The following TFB1M variants were observed in gnomAD, a reference collection of about 807,000 sequenced individuals.
TFB1M encodes the protein dimethyladenosine transferase 1, mitochondrial.
In TFB1M, 27 loss-of-function variants were observed where a neutral mutation model predicts 31.1. The ratio of observed to expected loss-of-function variants is 0.87; its 90% CI spans 0.64 to 1.20. TFB1M has a LOEUF of 1.20. Among genes scored for constraint, TFB1M ranks in the 50% most tolerant of loss-of-function variants. TFB1M has a pLI of 0.00. For synonymous variants in TFB1M, 166 were observed against 151.8 expected, an observed-to-expected ratio of 1.09 and a Z score of -0.69; for missense variants, 394 against 418.7, an observed-to-expected ratio of 0.94 and a Z score of 0.51.
intron 4 of TFB1M, among the ~76,000 whole-genome samples, chr6:155,289,591 G>A (rs1776810973): frequency 6.6e-6 from 1 of 152,154 alleles, no homozygotes; most frequent in Non-Finnish European, 1.5e-5. Context: ...GGAATAAGAC[G>A]ACGGTGCTCA....
chr6:155,266,505 G>A (rs1784637477), intron 5 of TFB1M, among the ~76,000 whole-genome samples: 1 of 152,250 alleles, frequency 6.6e-6, no homozygotes, highest in South Asian at 2.1e-4. Context: ...TCACCAGGGG[G>A]GATGAAAAGC....
At chr6:155,232,435 G>A in the TFB1M span, 2,088 of 152,290 alleles carry the variant, frequency 0.014, 17 homozygotes, top group Non-Finnish European at 0.021. Flanking sequence ...GTATGAGAAC[G>A]CAAACCATAT....
At chr6:155,238,120 C>T in the TFB1M span, among the ~76,000 whole-genome samples, 4 of 152,222 alleles carry the variant, frequency 2.6e-5, no homozygotes, top group South Asian at 4.1e-4. Flanking sequence ...GAAATTTCTT[C>T]TCCCAGATAC....
intron 2 of TFB1M, 142 bp downstream of exon 2, chr6:155,311,046 A>C (rs1582889333): frequency 1.1e-5 from 10 of 904,046 alleles, no homozygotes; most frequent in African/African-American, 1.7e-5. Context: ...CTATGGAATC[A>C]AAATCTCTGG....
At chr6:155,301,808 A>T (rs956724458) in intron 2 of TFB1M, among the ~76,000 whole-genome samples, 1 of 152,224 alleles carries the variant, frequency 6.6e-6, no homozygotes. Context: ...CAATCATGAC[A>T]GCTAGCTCTC....
At chr6:155,232,231 A>C in the TFB1M span, among the ~76,000 whole-genome samples, 1 of 151,856 alleles carries the variant, frequency 6.6e-6, no homozygotes, top group Non-Finnish European at 1.5e-5. Flanking sequence ...CGAAGTTCAG[A>C]GTGAGTTGAG....
In TFB1M at chr6:155,256,923, A is replaced by T. The variant is rs1480658649; in HGVS notation, c.*913T>A. The stretch of plus-strand genomic sequence containing the variant: ...TCCGGGGGCACTTCTGCCCCATTAA[A>T]CGAAAAGCCAACAGCACCAAGAGGG... On this transcript the variant is annotated 3_prime_UTR_variant, in exon 7 of 7. Coordinates refer to ENST00000367166, the MANE Select transcript of TFB1M (RefSeq NM_016020.4). 1.2e-6 allele frequency: 2 copies of T among 1,614,176 alleles called. No individual in the cohort carries two copies. Among genetic ancestry groups the T allele is most frequent in the East Asian group, 4.5e-5 (2 of 44,882 alleles).
chr6:155,252,879 C>T, downstream of TFB1M: 1 of 1,395,576 alleles, frequency 7.2e-7, no homozygotes, highest in South Asian at 1.2e-5. Flanking sequence ...AACTTCTATT[C>T]ACTGTGCACA....
Position 155,311,274 on chromosome 6 carries a change from C to T in TFB1M, c.199G>A (p.Gly67Arg), listed in dbSNP as rs1778006055. The change falls in exon 2 of 7, where the codon GGG (glycine) becomes AGG (arginine). Residue 67 changes from glycine to arginine, a missense_variant. By Grantham distance (125) the Gly-to-Arg change is moderately radical (BLOSUM62 -2). Transcript: ENST00000367166. ...TTAAGAATAGATCTTGTGATTCCCC[C>T]TGGCCCAGGGCCCACTTCGTAAACA... ...AYVYEVGPGPGGITRSILNAD... is the reference protein window; with the variant it reads ...AYVYEVGPGPRGITRSILNAD... 6.2e-7 allele frequency: 1 copy of T among 1,613,896 alleles called. No homozygotes were observed. Among genetic ancestry groups the T allele is most frequent in the African/African-American group, 1.3e-5 (1 of 74,920 alleles).
chr6:155,234,735 G>A, the TFB1M span, among the ~76,000 whole-genome samples: 1 of 152,216 alleles, frequency 6.6e-6, no homozygotes, highest in African/African-American at 2.4e-5. Context: ...GCATTCCTGG[G>A]GTGGGGGTGG....
At position 155,287,694 on chromosome 6, in the gene TFB1M, C is replaced by T. The variant is rs373656154; in HGVS notation, c.547-2417G>A. 8.6e-5 allele frequency among the ~76,000 whole-genome samples: 13 copies of T among 151,484 alleles called. No individual in the cohort carries two copies. In the South Asian group the frequency reaches 2.7e-3, roughly 32 times the overall value. On this transcript the variant is annotated intron_variant, in intron 4 of 6. Coordinates refer to ENST00000367166, the MANE Select transcript of TFB1M (RefSeq NM_016020.4). The stretch of plus-strand genomic sequence containing the variant: ...GAAAGAAAGGGGATAGAAGAGGGCT[C>T]CAAACATATCAACAATATTTTATTT...
At chr6:155,276,468 C>T in intron 5 of TFB1M, 2 of 1,194,550 alleles carry the variant, frequency 1.7e-6, no homozygotes, top group Non-Finnish European at 2.3e-6. Context: ...CTTAACTTTC[C>T]CTACAAAGAA....
chr6:155,276,433 A>G, intron 5 of TFB1M: 1 of 1,465,414 alleles, frequency 6.8e-7, no homozygotes, highest in South Asian at 1.3e-5. Context: ...TGGGACTTTT[A>G]GATTAAAAAA....
chr6:155,305,721 T>TTA (rs199706469), intron 2 of TFB1M, among the ~76,000 whole-genome samples: 4 of 23,948 alleles, frequency 1.7e-4, no homozygotes, highest in African/African-American at 4.6e-4. Context: ...AATTATATAT[T>TTA]TATATATATA....
the TFB1M span, chr6:155,240,577 G>A: frequency 6.2e-7 from 1 of 1,614,154 alleles, no homozygotes; most frequent in East Asian, 2.2e-5. Flanking sequence ...ACGACAGTCA[G>A]GCCAACGGCA....
At chr6:155,237,163 T>C in the TFB1M span, among the ~76,000 whole-genome samples, 1 of 152,178 alleles carries the variant, frequency 6.6e-6, no homozygotes, top group Admixed American at 6.5e-5. Context: ...TGGGAGAAAT[T>C]GGCCAAAATA....
At chr6:155,281,374 A>C (rs1385702568) in intron 5 of TFB1M, among the ~76,000 whole-genome samples, 1 of 152,228 alleles carries the variant, frequency 6.6e-6, no homozygotes, top group African/African-American at 2.4e-5. Context: ...AGAACCCGTT[A>C]CAACTCTCAT....
downstream of TFB1M, chr6:155,254,160 C>G: frequency 7.8e-7 from 1 of 1,281,466 alleles, no homozygotes; most frequent in Non-Finnish European, 1.1e-6. Context: ...TTGATGATAT[C>G]AGGGTCATAC....
chr6:155,312,303 T>C (rs770755742), intron 1 of TFB1M, among the ~76,000 whole-genome samples: 7 of 152,256 alleles, frequency 4.6e-5, no homozygotes, highest in Non-Finnish European at 7.3e-5. Flanking sequence ...TAGCATCCAC[T>C]GACCATCTTA....
Sources: gnomAD v4.1 joint callset for allele counts (sites outside exome capture counted in the v4.1 genomes callset) on GRCh38, gnomAD v4.1.1 for gene constraint, MANE v1.5 for transcripts, NCBI Gene and HGNC (gene_info 2026-07-23, HGNC 2026-07-21) for gene names.